The following CHODL variants were observed in gnomAD, a reference collection of about 807,000 sequenced individuals.
CHODL encodes transmembrane protein MT75.
A neutral mutation model predicts 34.5 loss-of-function variants in CHODL; 29 were observed. The observed-to-expected ratio is 0.84, with a 90% CI of 0.63 to 1.15. The LOEUF (loss-of-function observed/expected upper bound fraction) is 1.15, where lower values mean the gene tolerates loss of function less well. Ranked by LOEUF, CHODL falls within the 50% of genes most tolerant of loss-of-function variation. The pLI, the probability that CHODL is intolerant of heterozygous loss-of-function variation, is 0.00. For missense variants in CHODL, 332 were observed against 332.5 expected (o/e 1.00, Z 0.01); for synonymous variants, 125 against 116.1 (o/e 1.08, Z -0.49).
chr21:18,108,837 TTGTGTGTGTGTG>T (rs68066729), intron 2 of CHODL, among the ~76,000 whole-genome samples: 31 of 146,160 alleles, frequency 2.1e-4, no homozygotes, highest in Admixed American at 6.3e-4. Flanking sequence ...CTTTGCAATG[TTGTGTGTGTGTG>T]TGTGTGTGTG....
chr21:18,071,350 G>C (rs205701), intron 2 of CHODL, among the ~76,000 whole-genome samples: 125,981 of 151,592 alleles, frequency 0.83, 52,988 homozygotes, highest in East Asian at 1. Context: ...TTTCACTATG[G>C]TGGCCAGGCT....
chr21:18,007,719 T>G (rs910367658), intron 1 of CHODL, among the ~76,000 whole-genome samples: 1 of 152,238 alleles, frequency 6.6e-6, no homozygotes, highest in African/African-American at 2.4e-5. Flanking sequence ...TAACAGAGGT[T>G]ATATTGAAAA....
At chr21:17,980,089 T>TC (rs1463911295) in intron 1 of CHODL, among the ~76,000 whole-genome samples, 10 of 151,218 alleles carry the variant, frequency 6.6e-5, no homozygotes, top group Non-Finnish European at 1.3e-4. Flanking sequence ...ATTAAATTCA[T>TC]CCTTTTTTTT....
At chr21:18,260,094 A>G in intron 3 of CHODL, 106 bp from the exon 4 acceptor site, 1 of 374,852 alleles carries the variant, frequency 2.7e-6, no homozygotes, top group Non-Finnish European at 4.4e-6. Flanking sequence ...CTGTTCAGAA[A>G]TCAAAATTGT....
At chr21:17,932,785 A>T (rs2063285347) in intron 1 of CHODL, among the ~76,000 whole-genome samples, 1 of 152,208 alleles carries the variant, frequency 6.6e-6, no homozygotes, top group Non-Finnish European at 1.5e-5. Context: ...AGACTTGGAA[A>T]AGAAAAAGAC....
Position 18,061,722 on chromosome 21 carries a change from A to G in CHODL, c.-45+33751A>G, listed in dbSNP as rs138478904. On this transcript the variant is annotated intron_variant, in intron 2 of 6. Transcript: ENST00000400127. Reference sequence around the variant, plus strand: ...CAATTTCGTGGTGGTGGTGGCAATGATGATGATGAAGATGAATGCAAAAGT... The same window carrying G: ...CAATTTCGTGGTGGTGGTGGCAATGGTGATGATGAAGATGAATGCAAAAGT... Among the ~76,000 whole-genome samples the G allele has an allele frequency of 2.0e-4, 31 of 152,290 alleles. No individual in the cohort carries two copies. The East Asian group carries it at 6.0e-3, about 29-fold the overall frequency.
At chr21:18,262,415 C>T (rs945395908) in intron 4 of CHODL, among the ~76,000 whole-genome samples, 1 of 152,082 alleles carries the variant, frequency 6.6e-6, no homozygotes, top group Admixed American at 6.6e-5. Flanking sequence ...AGGCTACAAA[C>T]CCCTGCACCA....
chr21:17,979,074 C>T (rs2063694113), intron 1 of CHODL, among the ~76,000 whole-genome samples: 1 of 152,080 alleles, frequency 6.6e-6, no homozygotes, highest in Non-Finnish European at 1.5e-5. Context: ...TTGGATTGGG[C>T]CCATCTGGAT....
At chr21:17,972,965 C>G (rs2063628095) in intron 1 of CHODL, among the ~76,000 whole-genome samples, 3 of 152,110 alleles carry the variant, frequency 2.0e-5, no homozygotes, top group Admixed American at 6.5e-5. Context: ...TGAAACAAAA[C>G]AGAGGCCCCA....
At chr21:18,024,460 A>C (rs1221746083) in intron 1 of CHODL, among the ~76,000 whole-genome samples, 1 of 152,216 alleles carries the variant, frequency 6.6e-6, no homozygotes, top group Non-Finnish European at 1.5e-5. Flanking sequence ...GAAAACATAA[A>C]AAATGGGTAT....
chr21:18,097,691 C>T (rs1163532036), intron 2 of CHODL, among the ~76,000 whole-genome samples: 3 of 152,004 alleles, frequency 2.0e-5, no homozygotes, highest in Non-Finnish European at 4.4e-5. Flanking sequence ...ATACCAATGA[C>T]ATTCTTCACA....
chr21:18,004,582 C>T (rs1052006689), intron 1 of CHODL, among the ~76,000 whole-genome samples: 1 of 152,124 alleles, frequency 6.6e-6, no homozygotes, highest in Admixed American at 6.6e-5. Flanking sequence ...ATTTTTACAG[C>T]TTATCTTTTT....
At chr21:18,204,773 A>G (rs943164969) in intron 2 of CHODL, among the ~76,000 whole-genome samples, 3 of 152,176 alleles carry the variant, frequency 2.0e-5, no homozygotes, top group Non-Finnish European at 2.9e-5. Context: ...ATGAAACACT[A>G]GAGTTTGGCC....
At position 17,947,634 on chromosome 21, in the gene CHODL, A is replaced by G. The variant is rs2063422157; in HGVS notation, c.-145+30234A>G. ...AAAAGAAGACATACAGACGGCCAAA[A>G]AGCACATGAAAAATAAAAAATATAA... On this transcript the variant is annotated intron_variant, in intron 1 of 6. Transcript: ENST00000400127. 2.6e-5 allele frequency among the ~76,000 whole-genome samples: 4 copies of G among 152,040 alleles called. No homozygotes were observed. In the South Asian group the frequency reaches 8.3e-4, roughly 32 times the overall value.
chr21:18,134,060 A>G (rs2072691051), intron 2 of CHODL, among the ~76,000 whole-genome samples: 1 of 152,138 alleles, frequency 6.6e-6, no homozygotes, highest in South Asian at 2.1e-4. Flanking sequence ...AATAGTAATA[A>G]TTTTTCTAAG....
At chr21:17,936,664 G>T (rs1039438105) in intron 1 of CHODL, among the ~76,000 whole-genome samples, 1 of 152,154 alleles carries the variant, frequency 6.6e-6, no homozygotes, top group African/African-American at 2.4e-5. Context: ...GAAAGATGCC[G>T]TGGACATAAG....
chr21:18,055,867 C>A (rs1054847467), intron 2 of CHODL, among the ~76,000 whole-genome samples: 1 of 152,022 alleles, frequency 6.6e-6, no homozygotes, highest in African/African-American at 2.4e-5. Flanking sequence ...GTCATCGTTA[C>A]CTGAACATTC....
intron 2 of CHODL, among the ~76,000 whole-genome samples, chr21:18,238,966 T>C (rs187552656): frequency 3.9e-5 from 6 of 152,256 alleles, no homozygotes; most frequent in African/African-American, 1.2e-4. Context: ...CTGATGTTCT[T>C]TAACACTCTA....
At chr21:18,257,400 TG>T (rs1265862163) in intron 3 of CHODL, among the ~76,000 whole-genome samples, 1 of 152,208 alleles carries the variant, frequency 6.6e-6, no homozygotes, top group African/African-American at 2.4e-5. Flanking sequence ...CAAATATTTT[TG>T]TAAATAGATT....
Sources: allele counts gnomAD v4.1 joint callset (sites outside exome capture counted in the v4.1 genomes callset), GRCh38; gene constraint gnomAD v4.1.1; transcripts MANE v1.5; gene names NCBI Gene and HGNC (gene_info 2026-07-23, HGNC 2026-07-21).